GRHL2: variants seen among roughly 807,000 people sequenced by gnomAD.
GRHL2 encodes grainyhead-like protein 2 homolog.
GRHL2 carries 21 observed loss-of-function variants against 83.8 expected under a neutral mutation model. The ratio of observed to expected loss-of-function variants is 0.25; its 90% CI spans 0.18 to 0.36. The LOEUF is 0.36. GRHL2 is among the 10% of genes least tolerant of loss of function. The pLI is 1.00. For synonymous variants in GRHL2, 280 were observed against 278.9 expected, an observed-to-expected ratio of 1.00 and a Z score of -0.04; for missense variants, 623 against 781.8, an observed-to-expected ratio of 0.80 and a Z score of 2.42.
At chr8:101,547,123 G>T (rs566455580) in intron 2 of GRHL2, among the ~76,000 whole-genome samples, 84 of 152,236 alleles carry the variant, frequency 5.5e-4, no homozygotes, top group African/African-American at 1.8e-3. Context: ...CAGTTGCCTG[G>T]GTGTTCACAG....
chr8:101,526,348 ACAT>A (rs1810801961), intron 1 of GRHL2, among the ~76,000 whole-genome samples: 1 of 152,168 alleles, frequency 6.6e-6, no homozygotes, highest in Non-Finnish European at 1.5e-5. Context: ...TTATTCTATA[ACAT>A]CATGCATTGG....
At position 101,669,147 on chromosome 8, in the gene GRHL2, G is replaced by GAGAT. The variant is rs1020759856; in HGVS notation, c.*2447_*2450dup. 1 of 151,876 alleles carries GAGAT rather than the reference G, an allele frequency of 6.6e-6. No individual in the cohort carries two copies. Among genetic ancestry groups the GAGAT allele is most frequent in the African/African-American group, 2.4e-5 (1 of 41,378 alleles). The allele number at this position is 151,876 out of a possible 1,614,324, so 9.4% of individuals were successfully genotyped here. A position where few individuals can be genotyped will look rare whatever the true frequency, so the allele number is the denominator to read the frequency against. On this transcript the variant is annotated 3_prime_UTR_variant, in exon 16 of 16. Coordinates refer to ENST00000646743, the MANE Select transcript of GRHL2 (RefSeq NM_024915.4). ...AATTTCCTGAGCGAAACACTCCAAA[G>GAGAT]AGATAGGAAAACTTGCCGCCTCTTC...
chr8:101,669,936 T>C (rs1388670606), downstream of GRHL2, among the ~76,000 whole-genome samples: 1 of 152,238 alleles, frequency 6.6e-6, no homozygotes, highest in African/African-American at 2.4e-5. Flanking sequence ...CCAGGGCTTG[T>C]GTGTGACCAC....
chr8:101,619,159 A>C (rs1413561668), intron 8 of GRHL2, among the ~76,000 whole-genome samples: 4 of 152,114 alleles, frequency 2.6e-5, no homozygotes, highest in Admixed American at 2.6e-4. Context: ...AGGCTTAGGC[A>C]GGAGAATGGC....
At chr8:101,577,181 CT>C (rs142364538) in intron 6 of GRHL2, among the ~76,000 whole-genome samples, 10 of 149,222 alleles carry the variant, frequency 6.7e-5, no homozygotes, top group Admixed American at 2.0e-4. Context: ...ATGTAGGACT[CT>C]TTTTTTTTTC....
At chr8:101,532,620 T>G (rs191396039) in intron 1 of GRHL2, among the ~76,000 whole-genome samples, 1 of 151,914 alleles carries the variant, frequency 6.6e-6, no homozygotes, top group African/African-American at 2.4e-5. Context: ...CGTGGTGGCA[T>G]GCACCTGCAA....
At chr8:101,613,252 T>C (rs1812787652) in intron 8 of GRHL2, among the ~76,000 whole-genome samples, 1 of 150,936 alleles carries the variant, frequency 6.6e-6, no homozygotes, top group African/African-American at 2.5e-5. Context: ...TGCATCTGCG[T>C]GTATACATAC....
chr8:101,562,295 C>A, intron 4 of GRHL2: 1 of 601,204 alleles, frequency 1.7e-6, no homozygotes. Context: ...ATGAATTATA[C>A]GCCGTAAGCC....
At chr8:101,533,703 G>C (rs1810985350) in intron 1 of GRHL2, among the ~76,000 whole-genome samples, 1 of 152,188 alleles carries the variant, frequency 6.6e-6, no homozygotes, top group Non-Finnish European at 1.5e-5. Context: ...CATTAAATAG[G>C]GTAGTCAGGT....
intron 12 of GRHL2, among the ~76,000 whole-genome samples, chr8:101,642,864 C>T (rs1328535501): frequency 2.6e-5 from 4 of 152,152 alleles, no homozygotes; most frequent in South Asian, 2.1e-4. Flanking sequence ...ACACTTAACT[C>T]GTTGTACCTT....
At chr8:101,597,616 T>A (rs1281201852) in intron 7 of GRHL2, among the ~76,000 whole-genome samples, 1 of 141,314 alleles carries the variant, frequency 7.1e-6, no homozygotes, top group Non-Finnish European at 1.5e-5. Flanking sequence ...CACTCATAGG[T>A]GGGAATTGAA....
At chr8:101,506,871 A>T (rs1394681429) in intron 1 of GRHL2, among the ~76,000 whole-genome samples, 1 of 150,796 alleles carries the variant, frequency 6.6e-6, no homozygotes. Flanking sequence ...AGTTAAAGAG[A>T]TTAAACATTT....
At chr8:101,499,551 T>A (rs1260863825) in intron 1 of GRHL2, among the ~76,000 whole-genome samples, 1 of 152,224 alleles carries the variant, frequency 6.6e-6, no homozygotes. Context: ...TTTGCTGCAT[T>A]CTTTCAGTAT....
At chr8:101,530,593 T>C (rs1007222022) in intron 1 of GRHL2, among the ~76,000 whole-genome samples, 3 of 152,254 alleles carry the variant, frequency 2.0e-5, no homozygotes, top group East Asian at 1.9e-4. Context: ...AGATGACCTC[T>C]AGTTGTATTA....
At chr8:101,656,873 G>GACACACACACAC (rs35693999) in intron 14 of GRHL2, among the ~76,000 whole-genome samples, 2,248 of 147,328 alleles carry the variant, frequency 0.015, 65 homozygotes, top group African/African-American at 0.042. Context: ...GTGTCTAACA[G>GACACACACACAC]ACACACACAC....
At chr8:101,637,776 T>G (rs763045680) in intron 12 of GRHL2, among the ~76,000 whole-genome samples, 1 of 152,192 alleles carries the variant, frequency 6.6e-6, no homozygotes, top group Non-Finnish European at 1.5e-5. Context: ...TTTTGTCTGT[T>G]GAGCTGATGT....
intron 7 of GRHL2, among the ~76,000 whole-genome samples, chr8:101,591,665 A>G (rs1812284932): frequency 6.6e-6 from 1 of 152,316 alleles, no homozygotes. Flanking sequence ...TTGGCTTGTT[A>G]CCAGCTATGT....
intron 1 of GRHL2, among the ~76,000 whole-genome samples, chr8:101,522,331 A>G (rs1810702342): frequency 6.6e-6 from 1 of 152,156 alleles, no homozygotes; most frequent in Non-Finnish European, 1.5e-5. Context: ...TATAACAACT[A>G]TTTTCCTAGC....
intron 8 of GRHL2, among the ~76,000 whole-genome samples, chr8:101,600,065 G>C (rs1586133517): frequency 6.6e-6 from 1 of 152,176 alleles, no homozygotes; most frequent in South Asian, 2.1e-4. Context: ...TATTGTCTGC[G>C]AGCAGGGGGA....
Sources: gnomAD v4.1 joint callset for allele counts (sites outside exome capture counted in the v4.1 genomes callset) on GRCh38, gnomAD v4.1.1 for gene constraint, MANE v1.5 for transcripts, NCBI Gene and HGNC (gene_info 2026-07-23, HGNC 2026-07-21) for gene names.